Variants in TMEM63C observed in about 807,000 individuals in gnomAD.
The protein encoded by TMEM63C is transmembrane protein 63C.
Under a neutral mutation model 99.2 loss-of-function variants are expected in TMEM63C, and 32 were observed. The observed-to-expected ratio is 0.32, with a 90% CI of 0.24 to 0.43. The LOEUF is 0.43. Ranked by LOEUF, TMEM63C falls within the 20% of genes least tolerant of loss-of-function variation. TMEM63C has a pLI of 1.00. For missense variants in TMEM63C, 826 were observed against 1,053.0 expected (o/e 0.78, Z 2.98); for synonymous variants, 376 against 397.9 (o/e 0.94, Z 0.66).
intron 14 of TMEM63C, 142 bp from the exon 15 acceptor site, chr14:77,242,761 G>C: frequency 1.0e-6 from 1 of 991,306 alleles, no homozygotes; most frequent in Non-Finnish European, 1.5e-6. Context: ...GACGGTCCAG[G>C]GTCCTGTTGC....
At chr14:77,188,759 G>T (rs1303267750) in intron 1 of TMEM63C, among the ~76,000 whole-genome samples, 1 of 151,954 alleles carries the variant, frequency 6.6e-6, no homozygotes, top group Non-Finnish European at 1.5e-5. Flanking sequence ...CCAGCTACTT[G>T]GGAGGCTGAG....
At chr14:77,222,326 C>T (rs1888738515) in intron 5 of TMEM63C, among the ~76,000 whole-genome samples, 1 of 152,182 alleles carries the variant, frequency 6.6e-6, no homozygotes, top group Non-Finnish European at 1.5e-5. Context: ...CGTTGTGTTG[C>T]TTTGACCTTC....
chr14:77,185,041 G>T (rs1293650421), intron 1 of TMEM63C, among the ~76,000 whole-genome samples: 1 of 152,192 alleles, frequency 6.6e-6, no homozygotes, highest in Non-Finnish European at 1.5e-5. Context: ...AGTGGGCGGG[G>T]AAGGGGCGCC....
chr14:77,256,554 C>T lies in TMEM63C; in HGVS notation c.2249C>T (p.Pro750Leu), dbSNP rs756417038. 8.1e-6 allele frequency: 13 copies of T among 1,613,962 alleles called. No homozygotes were observed. The highest frequency in any genetic ancestry group is 1.1e-5 in the South Asian group (1 of 91,080). ...TATGTGGCCACCGTGCTGCAAGAAC[C>T]GGAGTTGAATCTGACCCCCGCCTCC... ...LLYVATVLQE[P>L]ELNLTPASSP... is the part of the protein sequence containing the mutation. Residue 750 changes from proline (P) to leucine (L), a missense_variant, in exon 24 of 24, where the codon CCG becomes CTG. By Grantham distance (98) the Pro-to-Leu change is moderately conservative. Coordinates refer to ENST00000298351, the MANE Select transcript of TMEM63C (RefSeq NM_020431.4).
At chr14:77,211,177 C>G (rs554674013) in intron 1 of TMEM63C, among the ~76,000 whole-genome samples, 6 of 152,214 alleles carry the variant, frequency 3.9e-5, no homozygotes, top group Non-Finnish European at 5.9e-5. Flanking sequence ...CATCCCCTTC[C>G]TCTGCCCCCT....
chr14:77,182,736 T>G (rs916038473), intron 1 of TMEM63C, among the ~76,000 whole-genome samples: 2 of 152,066 alleles, frequency 1.3e-5, no homozygotes, highest in African/African-American at 2.4e-5. Flanking sequence ...AAGCAGCAAT[T>G]AGATTGTCTG....
At chr14:77,247,368 T>A (rs1230675059) in intron 18 of TMEM63C, among the ~76,000 whole-genome samples, 4 of 152,036 alleles carry the variant, frequency 2.6e-5, no homozygotes, top group Non-Finnish European at 4.4e-5. Flanking sequence ...GCCTGGCTAA[T>A]TTTTGTATTT....
intron 6 of TMEM63C, among the ~76,000 whole-genome samples, chr14:77,227,641 G>A (rs1009989755): frequency 2.6e-5 from 4 of 152,206 alleles, no homozygotes; most frequent in East Asian, 3.8e-4. Context: ...TCATCGAGGC[G>A]GGAGGAAGAG....
intron 10 of TMEM63C, among the ~76,000 whole-genome samples, 174 bp from the exon 11 acceptor site, chr14:77,239,238 T>C (rs1889113392): frequency 6.6e-6 from 1 of 152,218 alleles, no homozygotes; most frequent in Admixed American, 6.5e-5. Flanking sequence ...AGCTCTCAGA[T>C]TGCCAAGGTT....
chr14:77,242,189 C>T (rs1223837659), intron 13 of TMEM63C, among the ~76,000 whole-genome samples, 158 bp from the exon 14 acceptor site: 1 of 152,184 alleles, frequency 6.6e-6, no homozygotes, highest in Non-Finnish European at 1.5e-5. Context: ...CCTCTAAGGT[C>T]CTGAAGACAT....
rs1434965855 is a variant in TMEM63C, at chr14:77,219,538, G to T, written c.191G>T (p.Trp64Leu). The T allele has an allele frequency of 1.2e-6, 2 of 1,613,966 alleles. No individual in the cohort carries two copies. The highest frequency in any genetic ancestry group is 1.7e-6 in the Non-Finnish European group (2 of 1,179,898). ...VVYSFLRKAA[W>L]DYGRLALLIH... ...TACTCCTTCCTCCGGAAAGCTGCGT[G>T]GGACTATGGGCGCCTGGCTCTGCTG... The change falls in exon 4 of 24, where the codon TGG (tryptophan) becomes TTG (leucine). Residue 64 changes from tryptophan (W) to leucine (L), a missense_variant. Trp to Leu is a moderately conservative substitution (Grantham distance 61). Coordinates refer to ENST00000298351, the MANE Select transcript of TMEM63C (RefSeq NM_020431.4).
intron 1 of TMEM63C, among the ~76,000 whole-genome samples, chr14:77,196,450 A>G (rs1316796374): frequency 2.6e-5 from 4 of 152,102 alleles, no homozygotes; most frequent in African/African-American, 2.4e-5. Context: ...GTCCCAGGTG[A>G]CCCTGCCCAT....
intron 22 of TMEM63C, 23 bp downstream of exon 22, chr14:77,251,921 C>G (rs767328654): frequency 4.0e-5 from 62 of 1,568,984 alleles, no homozygotes; most frequent in Non-Finnish European, 5.2e-5. Context: ...CCTGCCCCTC[C>G]TCCTGGTTCT....
intron 1 of TMEM63C, among the ~76,000 whole-genome samples, chr14:77,194,553 C>CTT (rs56115104): frequency 0.7 from 87,558 of 124,798 alleles, 32,136 homozygotes; most frequent in Admixed American, 0.78. Context: ...TTCTTTCTTT[C>CTT]TCTTTCTTTC....
At chr14:77,238,498 C>G (rs1566628505) in intron 9 of TMEM63C, among the ~76,000 whole-genome samples, 196 bp from the exon 10 acceptor site, 1 of 152,198 alleles carries the variant, frequency 6.6e-6, no homozygotes, top group East Asian at 1.9e-4. Context: ...ACGCTGTGGG[C>G]TAAGGCAGCT....
chr14:77,238,825 G>T, intron 10 of TMEM63C, 58 bp downstream of exon 10: 1 of 1,416,614 alleles, frequency 7.1e-7, no homozygotes, highest in Non-Finnish European at 1.0e-6. Flanking sequence ...ACCCCGCCTG[G>T]GTCCTCAAGT....
intron 6 of TMEM63C, among the ~76,000 whole-genome samples, chr14:77,226,552 A>T (rs1178156019): frequency 6.6e-6 from 1 of 152,136 alleles, no homozygotes; most frequent in African/African-American, 2.4e-5. Context: ...GGAAAAGTAT[A>T]GTTTTGAGCT....
intron 15 of TMEM63C, 133 bp from the exon 16 acceptor site, chr14:77,244,216 T>G (rs1423125751): frequency 2.9e-6 from 2 of 690,476 alleles, no homozygotes; most frequent in Non-Finnish European, 5.1e-6. Context: ...GGAAAGCCAG[T>G]GAGAAGGGCC....
At chr14:77,183,504 C>A (rs1887947419) in intron 1 of TMEM63C, among the ~76,000 whole-genome samples, 1 of 152,186 alleles carries the variant, frequency 6.6e-6, no homozygotes, top group Admixed American at 6.5e-5. Context: ...CCTATCGGAG[C>A]CAAAAACAGG....
Sources: allele counts gnomAD v4.1 joint callset (sites outside exome capture counted in the v4.1 genomes callset), GRCh38; gene constraint gnomAD v4.1.1; transcripts MANE v1.5; gene names NCBI Gene and HGNC (gene_info 2026-07-23, HGNC 2026-07-21).